Variants in DGLUCY observed in about 807,000 individuals in gnomAD.
DGLUCY encodes D-glutamate cyclase, mitochondrial.
DGLUCY carries 58 observed loss-of-function variants against 58.5 expected under a neutral mutation model. That is an observed-to-expected ratio of 0.99 (90% CI 0.80 to 1.23). DGLUCY has a LOEUF of 1.23. Among genes scored for constraint, DGLUCY ranks in the 50% most tolerant of loss-of-function variants. DGLUCY has a pLI of 0.00. For synonymous variants in DGLUCY, 325 were observed against 314.1 expected (o/e 1.03, Z -0.37); for missense variants, 779 against 784.7 (o/e 0.99, Z 0.09).
At chr14:91,102,473 C>T (rs1219847393) in intron 1 of DGLUCY, among the ~76,000 whole-genome samples, 2 of 152,108 alleles carry the variant, frequency 1.3e-5, no homozygotes, top group East Asian at 3.9e-4. Flanking sequence ...TACCTGCTGC[C>T]ACCCCCTCCT....
chr14:91,102,838 T>C (rs745694059), intron 1 of DGLUCY, among the ~76,000 whole-genome samples: 3 of 150,568 alleles, frequency 2.0e-5, no homozygotes, highest in Non-Finnish European at 4.4e-5. Context: ...CTCGGTTCAC[T>C]GCAACCTTCG....
chr14:91,189,541 C>T (rs2049736819), intron 9 of DGLUCY, among the ~76,000 whole-genome samples: 1 of 152,204 alleles, frequency 6.6e-6, no homozygotes, highest in Non-Finnish European at 1.5e-5. Flanking sequence ...GGCTGAAAGG[C>T]TCAGACAGCA....
rs11289852 is a variant in DGLUCY at position 91,178,171 on chromosome 14, C to CT, written c.730+2128dup. On this transcript the variant is annotated intron_variant, in intron 7 of 13. Coordinates refer to ENST00000256324, the MANE Select transcript of DGLUCY (RefSeq NM_001102368.3). ...CAATCTTGAATCATTCTCAAATTCC[C>CT]TTTTTTTTTTTTTGAGACAAGGTCT... 1.6e-3 allele frequency among the ~76,000 whole-genome samples: 231 copies of CT among 146,132 alleles called. 1 individual carries two copies. Among genetic ancestry groups the CT allele is most frequent in the Middle Eastern group, 7.2e-3 (2 of 276 alleles).
chr14:91,178,044 C>A (rs1216035182), intron 7 of DGLUCY, among the ~76,000 whole-genome samples: 1 of 152,262 alleles, frequency 6.6e-6, no homozygotes, highest in East Asian at 1.9e-4. Context: ...CAGAGGAGAT[C>A]TCACTGCTGT....
intron 1 of DGLUCY, among the ~76,000 whole-genome samples, chr14:91,121,986 C>T (rs2045392964): frequency 6.6e-6 from 1 of 152,066 alleles, no homozygotes; most frequent in Non-Finnish European, 1.5e-5. Flanking sequence ...GTTTTGAGCA[C>T]TGGGAGATGA....
intron 1 of DGLUCY, among the ~76,000 whole-genome samples, chr14:91,067,663 C>T (rs1189042975): frequency 6.6e-6 from 1 of 152,030 alleles, no homozygotes; most frequent in Non-Finnish European, 1.5e-5. Context: ...ATCCTCCTAC[C>T]TCAGTCTCCC....
intron 12 of DGLUCY, among the ~76,000 whole-genome samples, chr14:91,210,385 A>C (rs573754284): frequency 6.6e-6 from 1 of 151,820 alleles, no homozygotes; most frequent in Non-Finnish European, 1.5e-5. Context: ...GCAAAAAATT[A>C]GCTGAGCATG....
chr14:91,202,336 A>C (rs1470794164), intron 11 of DGLUCY, among the ~76,000 whole-genome samples: 2 of 152,070 alleles, frequency 1.3e-5, no homozygotes, highest in Non-Finnish European at 2.9e-5. Flanking sequence ...CCCAAGGAGA[A>C]CCTTTCTTCC....
At chr14:91,072,282 C>G (rs895534274) in intron 1 of DGLUCY, among the ~76,000 whole-genome samples, 33 of 151,642 alleles carry the variant, frequency 2.2e-4, no homozygotes, top group Admixed American at 1.9e-3. Context: ...TGAGATCACA[C>G]CACTGCACTC....
chr14:91,123,157 A>G (rs1369114229), intron 1 of DGLUCY, among the ~76,000 whole-genome samples: 1 of 152,182 alleles, frequency 6.6e-6, no homozygotes, highest in Non-Finnish European at 1.5e-5. Context: ...TTGAAGTATC[A>G]TGAGTACCTG....
At chr14:91,222,825 A>G (rs1401211358) in intron 13 of DGLUCY, among the ~76,000 whole-genome samples, 1 of 152,190 alleles carries the variant, frequency 6.6e-6, no homozygotes, top group Non-Finnish European at 1.5e-5. Flanking sequence ...ACAGAAATTT[A>G]GTTCTCACAG....
intron 1 of DGLUCY, among the ~76,000 whole-genome samples, chr14:91,151,144 TTTCC>T (rs200186192): frequency 0.016 from 2,448 of 152,364 alleles, 70 homozygotes; most frequent in Admixed American, 0.068. Context: ...TGCATCAGAA[TTTCC>T]TTCCTTTTTA....
At chr14:91,199,024 T>C (rs2050391580) in intron 10 of DGLUCY, among the ~76,000 whole-genome samples, 1 of 152,186 alleles carries the variant, frequency 6.6e-6, no homozygotes, top group African/African-American at 2.4e-5. Flanking sequence ...CCTTTTGTAT[T>C]TTGAGCCCTT....
intron 1 of DGLUCY, among the ~76,000 whole-genome samples, chr14:91,070,938 A>G (rs1342152032): frequency 6.6e-6 from 1 of 152,184 alleles, no homozygotes; most frequent in African/African-American, 2.4e-5. Context: ...AAAAACCAAG[A>G]GCAACACAAT....
intron 12 of DGLUCY, among the ~76,000 whole-genome samples, chr14:91,205,302 T>C (rs1884366701): frequency 1.3e-5 from 2 of 152,178 alleles, no homozygotes; most frequent in Non-Finnish European, 2.9e-5. Flanking sequence ...AGAAGCTTTC[T>C]ACCTTTCCTT....
chr14:91,191,941 C>G (rs1186813898), intron 9 of DGLUCY, among the ~76,000 whole-genome samples: 2 of 152,054 alleles, frequency 1.3e-5, no homozygotes, highest in African/African-American at 2.4e-5. Context: ...GGTGCAGATG[C>G]TATGAAAAAC....
chr14:91,201,888 A>G (rs1172253595), intron 11 of DGLUCY, among the ~76,000 whole-genome samples: 2 of 151,816 alleles, frequency 1.3e-5, no homozygotes, highest in Non-Finnish European at 2.9e-5. Flanking sequence ...CCCCGTCTCT[A>G]TTAAATATAT....
intron 1 of DGLUCY, among the ~76,000 whole-genome samples, chr14:91,077,491 C>T (rs2044043879): frequency 6.6e-6 from 1 of 151,710 alleles, no homozygotes; most frequent in Admixed American, 6.6e-5. Context: ...CGGTGGCTCA[C>T]ACCTGTAATC....
At chr14:91,188,615 C>T (rs1289052095) in intron 8 of DGLUCY, among the ~76,000 whole-genome samples, 1 of 152,172 alleles carries the variant, frequency 6.6e-6, no homozygotes, top group East Asian at 1.9e-4. Flanking sequence ...TGCTTGAGCC[C>T]GGGAGTTTGA....
Sources: gnomAD v4.1 joint callset for allele counts (sites outside exome capture counted in the v4.1 genomes callset) on GRCh38, gnomAD v4.1.1 for gene constraint, MANE v1.5 for transcripts, NCBI Gene and HGNC (gene_info 2026-07-23, HGNC 2026-07-21) for gene names.